CHST11: variants seen among roughly 807,000 people sequenced by gnomAD.
CHST11 encodes carbohydrate sulfotransferase 11.
Under a neutral mutation model 30.4 loss-of-function variants are expected in CHST11, and 9 were observed. That is an observed-to-expected ratio of 0.30 (90% confidence interval 0.18 to 0.52). The LOEUF (loss-of-function observed/expected upper bound fraction) is 0.52, where lower values mean the gene tolerates loss of function less well. Among genes scored for constraint, CHST11 ranks in the 20% least tolerant of loss-of-function variants. The probability of loss-of-function intolerance (pLI) is 0.97; values close to 1 mark genes in which losing one functional copy is unlikely to be tolerated. For synonymous variants in CHST11, 152 were observed against 187.8 expected (o/e 0.81, Z 1.56); for missense variants, 348 against 460.6 (o/e 0.76, Z 2.24).
chr12:104,550,839 A>G (rs920985590), intron 1 of CHST11, among the ~76,000 whole-genome samples: 32 of 152,198 alleles, frequency 2.1e-4, no homozygotes, highest in African/African-American at 5.1e-4. Flanking sequence ...ATGTAAGTAT[A>G]TATACTAGGG....
chr12:104,585,687 C>T (rs1327732941), intron 1 of CHST11, among the ~76,000 whole-genome samples: 1 of 152,194 alleles, frequency 6.6e-6, no homozygotes, highest in African/African-American at 2.4e-5. Context: ...GCTGCCATGA[C>T]AAATTCCCAC....
chr12:104,696,262 T>A (rs80263998), intron 2 of CHST11, among the ~76,000 whole-genome samples: 1,926 of 152,232 alleles, frequency 0.013, 51 homozygotes, highest in African/African-American at 0.045. Flanking sequence ...AAACACTTTT[T>A]ACTCACCATC....
At chr12:104,541,130 T>TCTCACACACA (rs1310906893) in intron 1 of CHST11, among the ~76,000 whole-genome samples, 2 of 146,576 alleles carry the variant, frequency 1.4e-5, no homozygotes, top group African/African-American at 5.1e-5. Context: ...TCTCTCTCTC[T>TCTCACACACA]CACACACACA....
intron 2 of CHST11, among the ~76,000 whole-genome samples, chr12:104,722,147 C>T (rs976677539): frequency 1.1e-4 from 10 of 93,064 alleles, no homozygotes; most frequent in African/African-American, 3.1e-4. Flanking sequence ...TACTACCACA[C>T]TCAGCTAAGT....
At chr12:104,604,180 T>C (rs2038981943) in intron 2 of CHST11, among the ~76,000 whole-genome samples, 1 of 152,156 alleles carries the variant, frequency 6.6e-6, no homozygotes, top group Non-Finnish European at 1.5e-5. Flanking sequence ...GGGCCCTCTC[T>C]TCCTTCCGGT....
intron 1 of CHST11, among the ~76,000 whole-genome samples, chr12:104,468,682 A>C (rs772123818): frequency 3.2e-4 from 49 of 152,364 alleles, no homozygotes; most frequent in Admixed American, 1.8e-3. Context: ...CTCTATGTGT[A>C]AACAGCATCT....
intron 1 of CHST11, among the ~76,000 whole-genome samples, chr12:104,543,768 A>G (rs986533658): frequency 6.6e-6 from 1 of 152,016 alleles, no homozygotes. Flanking sequence ...CCGGTAACTA[A>G]CAGATTCCTT....
At chr12:104,598,478 TAA>T (rs1043711129) in intron 1 of CHST11, among the ~76,000 whole-genome samples, 2 of 151,930 alleles carry the variant, frequency 1.3e-5, no homozygotes, top group Admixed American at 6.5e-5. Context: ...TCAGAAAGCA[TAA>T]AGAGTATAAT....
intron 1 of CHST11, among the ~76,000 whole-genome samples, chr12:104,577,695 A>G (rs984273543): frequency 6.6e-6 from 1 of 152,228 alleles, no homozygotes; most frequent in Non-Finnish European, 1.5e-5. Context: ...AATAGAGGAT[A>G]TCTGTGAAAA....
chr12:104,610,548 A>C (rs964222151), intron 2 of CHST11, among the ~76,000 whole-genome samples: 1 of 152,176 alleles, frequency 6.6e-6, no homozygotes, highest in Non-Finnish European at 1.5e-5. Context: ...TCAGAAAGTT[A>C]TTTCCTGAAT....
intron 2 of CHST11, among the ~76,000 whole-genome samples, chr12:104,672,300 T>C (rs1004179315): frequency 2.0e-5 from 3 of 151,890 alleles, no homozygotes; most frequent in African/African-American, 7.3e-5. Context: ...GTGTGAGTGA[T>C]GTGTGTGCAG....
chr12:104,603,723 G>C (rs1566004054), intron 2 of CHST11, among the ~76,000 whole-genome samples: 1 of 152,334 alleles, frequency 6.6e-6, no homozygotes, highest in East Asian at 1.9e-4. Flanking sequence ...TTCCATATCA[G>C]AAGCCTTGAC....
At chr12:104,562,884 C>T (rs1381260590) in intron 1 of CHST11, among the ~76,000 whole-genome samples, 1 of 152,158 alleles carries the variant, frequency 6.6e-6, no homozygotes, top group Non-Finnish European at 1.5e-5. Flanking sequence ...GGCACCTTCT[C>T]AAAGCACATA....
chr12:104,627,453 T>C (rs2039226872), intron 2 of CHST11, among the ~76,000 whole-genome samples: 1 of 152,212 alleles, frequency 6.6e-6, no homozygotes, highest in Non-Finnish European at 1.5e-5. Flanking sequence ...AAACTGTAGC[T>C]GCCGCATGGA....
chr12:104,704,102 C>T (rs1033042211), intron 2 of CHST11, among the ~76,000 whole-genome samples: 6 of 152,108 alleles, frequency 3.9e-5, no homozygotes, highest in African/African-American at 7.2e-5. Context: ...GGTGTAGAGA[C>T]GAGCCTGGGA....
chr12:104,665,388 A>T (rs1474942914), intron 2 of CHST11, among the ~76,000 whole-genome samples: 4 of 152,198 alleles, frequency 2.6e-5, no homozygotes, highest in Non-Finnish European at 4.4e-5. Context: ...TTACAAATGT[A>T]TCATAGTCCA....
chr12:104,623,766 A>G (rs2039185259), intron 2 of CHST11, among the ~76,000 whole-genome samples: 1 of 152,010 alleles, frequency 6.6e-6, no homozygotes, highest in South Asian at 2.1e-4. Context: ...ACTGGGCTCT[A>G]TCTCACCGTC....
chr12:104,505,493 T>TG (rs1279255366), intron 1 of CHST11, among the ~76,000 whole-genome samples: 1 of 152,198 alleles, frequency 6.6e-6, no homozygotes, highest in African/African-American at 2.4e-5. Flanking sequence ...GAAAAGCTCC[T>TG]GGGTTATGTT....
At chr12:104,557,769 C>T (rs1055581130) in intron 1 of CHST11, among the ~76,000 whole-genome samples, 3 of 152,150 alleles carry the variant, frequency 2.0e-5, no homozygotes, top group South Asian at 2.1e-4. Context: ...CTCACTCCAT[C>T]TCACTGACCG....
Sources: allele counts gnomAD v4.1 joint callset (sites outside exome capture counted in the v4.1 genomes callset), GRCh38; gene constraint gnomAD v4.1.1; transcripts MANE v1.5; gene names NCBI Gene and HGNC (gene_info 2026-07-23, HGNC 2026-07-21).